MLLT10: variants seen among roughly 807,000 people sequenced by gnomAD.
The protein encoded by MLLT10 is protein AF-10.
Under a neutral mutation model 129.1 loss-of-function variants are expected in MLLT10, and 30 were observed. The ratio of observed to expected loss-of-function variants is 0.23; its 90% confidence interval spans 0.17 to 0.32. MLLT10 has a LOEUF of 0.32. Ranked by LOEUF, MLLT10 falls within the 10% of genes least tolerant of loss-of-function variation. MLLT10 has a pLI of 1.00. For missense variants in MLLT10, 1,119 were observed against 1,268.3 expected, an observed-to-expected ratio of 0.88 and a Z score of 1.79; for synonymous variants, 490 against 446.4, an observed-to-expected ratio of 1.10 and a Z score of -1.23.
At chr10:21,690,497 A>G (rs2053747727) in intron 13 of MLLT10, among the ~76,000 whole-genome samples, 1 of 152,130 alleles carries the variant, frequency 6.6e-6, no homozygotes, top group Non-Finnish European at 1.5e-5. Flanking sequence ...TTTTCTTTTT[A>G]GTGTACTTCA....
At chr10:21,667,443 G>T (rs2050934607) in intron 9 of MLLT10, among the ~76,000 whole-genome samples, 1 of 141,642 alleles carries the variant, frequency 7.1e-6, no homozygotes. Flanking sequence ...TTGTTCGTTT[G>T]TTTTGATCCT....
intron 4 of MLLT10, among the ~76,000 whole-genome samples, chr10:21,590,773 A>G (rs1234625642): frequency 2.0e-5 from 3 of 152,120 alleles, no homozygotes; most frequent in African/African-American, 7.2e-5. Flanking sequence ...ACCAGTCCAA[A>G]TAGAATTGTT....
intron 3 of MLLT10, among the ~76,000 whole-genome samples, chr10:21,545,294 G>C (rs1340210439): frequency 6.6e-6 from 1 of 151,542 alleles, no homozygotes; most frequent in East Asian, 1.9e-4. Context: ...GAGAGTAAGA[G>C]AACTGATTAT....
At chr10:21,585,638 T>G (rs1461061484) in intron 3 of MLLT10, among the ~76,000 whole-genome samples, 1 of 152,234 alleles carries the variant, frequency 6.6e-6, no homozygotes, top group Non-Finnish European at 1.5e-5. Flanking sequence ...CAGGCATATG[T>G]TAAAAGCCTT....
chr10:21,547,368 CTA>C (rs2130930849), intron 3 of MLLT10, among the ~76,000 whole-genome samples: 1 of 147,936 alleles, frequency 6.8e-6, no homozygotes, highest in Admixed American at 6.8e-5. Context: ...CTCGCACAAT[CTA>C]TGTTATTGTT....
At chr10:21,673,318 C>CCAGTTT in intron 10 of MLLT10, 32 bp from the exon 11 acceptor site, 1 of 307,342 alleles carries the variant, frequency 3.3e-6, no homozygotes, top group Non-Finnish European at 5.0e-6. Flanking sequence ...CACCCCCCAA[C>CCAGTTT]TTTTTTTTTT....
At chr10:21,579,841 G>A (rs1038770032) in intron 3 of MLLT10, among the ~76,000 whole-genome samples, 5 of 152,032 alleles carry the variant, frequency 3.3e-5, no homozygotes, top group Non-Finnish European at 5.9e-5. Flanking sequence ...GGGATTACAG[G>A]TGTGAGCCAC....
chr10:21,626,323 AC>A, intron 8 of MLLT10: 2 of 939,800 alleles, frequency 2.1e-6, no homozygotes, highest in Non-Finnish European at 3.4e-6. Context: ...GCCCGTGAGA[AC>A]CAGTGCAAGG....
chr10:21,647,442 G>A (rs1340513314), intron 8 of MLLT10, among the ~76,000 whole-genome samples: 1 of 152,126 alleles, frequency 6.6e-6, no homozygotes, highest in Non-Finnish European at 1.5e-5. Context: ...GATCCTTTGA[G>A]CCCAGGACTT....
chr10:21,547,217 A>G (rs1382547078), intron 3 of MLLT10, among the ~76,000 whole-genome samples: 2 of 151,874 alleles, frequency 1.3e-5, no homozygotes, highest in East Asian at 3.9e-4. Context: ...TGGAGGTCAT[A>G]TGCTCTATTT....
At chr10:21,546,930 T>A (rs1295378011) in intron 3 of MLLT10, among the ~76,000 whole-genome samples, 1 of 151,694 alleles carries the variant, frequency 6.6e-6, no homozygotes, top group Non-Finnish European at 1.5e-5. Context: ...TCCATGTTGG[T>A]CAGGCTGGTC....
At position 21,673,895 on chromosome 10, in the gene MLLT10, G is replaced by A. The variant is rs763449190; in HGVS notation, c.1597G>A (p.Val533Ile). Residue 533 changes from valine to isoleucine, a missense_variant, in exon 11 of 23, where the codon GTT becomes ATT. Transcript: ENST00000307729. Reference sequence around the variant, plus strand: ...GAATGGAAGTTTACAGAGCCTCAGTGTTGGCTCATCTCCAGTTGGTTCAGG... The same window carrying A: ...GAATGGAAGTTTACAGAGCCTCAGTATTGGCTCATCTCCAGTTGGTTCAGG... Reference protein sequence around the residue: ...LRNGSLQSLSVGSSPVGSEIS... With the variant: ...LRNGSLQSLSIGSSPVGSEIS... 1.9e-5 allele frequency: 30 copies of A among 1,603,000 alleles called. No individual in the cohort carries two copies. The highest frequency in any genetic ancestry group is 2.6e-5 in the Non-Finnish European group (30 of 1,174,970).
chr10:21,730,840 G>GA (rs1360161997), intron 16 of MLLT10, 60 bp from the exon 17 acceptor site: 4 of 1,596,712 alleles, frequency 2.5e-6, no homozygotes, highest in Non-Finnish European at 3.4e-6. Context: ...CTTAAGGTAA[G>GA]AAACTGTACT....
At chr10:21,609,583 C>T (rs1441232315) in intron 5 of MLLT10, among the ~76,000 whole-genome samples, 2 of 152,192 alleles carry the variant, frequency 1.3e-5, no homozygotes, top group African/African-American at 4.8e-5. Context: ...TCTAGAACCC[C>T]AGGGATAAGT....
chr10:21,560,636 G>A (rs1024402598), intron 3 of MLLT10, among the ~76,000 whole-genome samples: 18 of 152,022 alleles, frequency 1.2e-4, no homozygotes, highest in African/African-American at 2.9e-4. Flanking sequence ...TTTGTAGAGA[G>A]GTAGCTTCAC....
chr10:21,554,788 A>G (rs1170980518), intron 3 of MLLT10, among the ~76,000 whole-genome samples: 2 of 148,890 alleles, frequency 1.3e-5, no homozygotes, highest in African/African-American at 2.5e-5. Context: ...CAAGATGGTT[A>G]TACTAATTTC....
chr10:21,650,418 G>T (rs2048907861), intron 8 of MLLT10, among the ~76,000 whole-genome samples: 1 of 152,098 alleles, frequency 6.6e-6, no homozygotes, highest in Non-Finnish European at 1.5e-5. Context: ...TGACAGTGCA[G>T]CCTGAAAATA....
intron 22 of MLLT10, among the ~76,000 whole-genome samples, chr10:21,741,219 T>C (rs2131600714): frequency 6.6e-6 from 1 of 152,362 alleles, no homozygotes; most frequent in Admixed American, 6.5e-5. Flanking sequence ...TCCAGTGTTC[T>C]GCTGACATGG....
intron 13 of MLLT10, among the ~76,000 whole-genome samples, chr10:21,689,418 G>A (rs1386989861): frequency 6.6e-6 from 1 of 151,288 alleles, no homozygotes; most frequent in African/African-American, 2.4e-5. Flanking sequence ...CGTTTGACCT[G>A]ATACTTAAAG....
Sources: allele counts gnomAD v4.1 joint callset (sites outside exome capture counted in the v4.1 genomes callset), GRCh38; gene constraint gnomAD v4.1.1; transcripts MANE v1.5; gene names NCBI Gene and HGNC (gene_info 2026-07-23, HGNC 2026-07-21).